The following DOK5 variants were observed in gnomAD, a reference collection of about 807,000 sequenced individuals.
DOK5 encodes downstream of tyrosine kinase 5.
Under a neutral mutation model 43.3 loss-of-function variants are expected in DOK5, and 27 were observed. The observed-to-expected ratio is 0.62, with a 90% confidence interval of 0.46 to 0.86. DOK5 has a LOEUF of 0.86. Among genes scored for constraint, DOK5 ranks in the 40% least tolerant of loss-of-function variants. The pLI, the probability that DOK5 is intolerant of heterozygous loss-of-function variation, is 0.00. For synonymous variants in DOK5, 146 were observed against 140.1 expected, an observed-to-expected ratio of 1.04 and a Z score of -0.30; for missense variants, 373 against 392.9, an observed-to-expected ratio of 0.95 and a Z score of 0.43.
At chr20:54,576,148 A>C (rs73911977) in intron 2 of DOK5, among the ~76,000 whole-genome samples, 11,631 of 152,246 alleles carry the variant, frequency 0.076, 1,507 homozygotes, top group African/African-American at 0.27. Flanking sequence ...AATTAGTTTA[A>C]ATTGATTTAA....
Position 54,495,854 on chromosome 20 carries a change from C to A in DOK5, c.66+19842C>A, listed in dbSNP as rs111727268. ...CCGAGATCATGCCATTGCATTTCAG[C>A]CTGGGCAACAGAGTGAGACGCCATC... is the stretch of plus-strand genomic sequence containing the variant. On this transcript the variant is annotated intron_variant, in intron 1 of 7. Transcript: ENST00000262593. Among the ~76,000 whole-genome samples the A allele has an allele frequency of 7.1e-3, 1,081 of 152,090 alleles. 14 individuals are homozygous for A. Among genetic ancestry groups the A allele is most frequent in the African/African-American group, 0.025 (1,036 of 41,468 alleles).
At chr20:54,624,177 A>G (rs1987070345) in intron 6 of DOK5, among the ~76,000 whole-genome samples, 2 of 152,242 alleles carry the variant, frequency 1.3e-5, no homozygotes, top group Admixed American at 1.3e-4. Context: ...AAAGTGCAAC[A>G]AGAAAACAAT....
intron 2 of DOK5, among the ~76,000 whole-genome samples, chr20:54,562,280 G>A (rs868667591): frequency 1.1e-4 from 17 of 152,252 alleles, no homozygotes; most frequent in Admixed American, 3.3e-4. Context: ...AAATGTTAGG[G>A]AACCCTGGTG....
chr20:54,528,260 A>G (rs1210125584), intron 1 of DOK5, among the ~76,000 whole-genome samples: 1 of 152,212 alleles, frequency 6.6e-6, no homozygotes, highest in Non-Finnish European at 1.5e-5. Flanking sequence ...ATAGGAAGAT[A>G]GAATTATATC....
At chr20:54,635,887 G>A (rs73280939) in intron 6 of DOK5, among the ~76,000 whole-genome samples, 1 of 152,038 alleles carries the variant, frequency 6.6e-6, no homozygotes, top group African/African-American at 2.4e-5. Context: ...TTATTTTTAC[G>A]GCTATAACAG....
intron 1 of DOK5, among the ~76,000 whole-genome samples, chr20:54,513,184 T>C (rs1021225020): frequency 2.0e-5 from 3 of 152,266 alleles, no homozygotes; most frequent in South Asian, 2.1e-4. Context: ...CTCCTGGAGA[T>C]TGAGCAGTCA....
chr20:54,546,287 A>G (rs1984340999), intron 1 of DOK5, among the ~76,000 whole-genome samples: 1 of 152,246 alleles, frequency 6.6e-6, no homozygotes, highest in Non-Finnish European at 1.5e-5. Context: ...CTAGGCATTA[A>G]TATTAACATC....
At chr20:54,566,215 T>C (rs1337119602) in intron 2 of DOK5, among the ~76,000 whole-genome samples, 1 of 151,964 alleles carries the variant, frequency 6.6e-6, no homozygotes, top group Non-Finnish European at 1.5e-5. Flanking sequence ...ATAACTCCCT[T>C]GGGACTTATC....
At chr20:54,639,576 G>T (rs1025987287) in intron 6 of DOK5, among the ~76,000 whole-genome samples, 5 of 151,776 alleles carry the variant, frequency 3.3e-5, no homozygotes, top group African/African-American at 1.2e-4. Context: ...TATGGCTCAG[G>T]GTAATTTTTA....
At chr20:54,545,892 G>A (rs185950473) in intron 1 of DOK5, among the ~76,000 whole-genome samples, 18 of 152,264 alleles carry the variant, frequency 1.2e-4, no homozygotes, top group African/African-American at 3.4e-4. Flanking sequence ...TAAAGTAGTC[G>A]TCCAGATGAA....
intron 2 of DOK5, among the ~76,000 whole-genome samples, chr20:54,559,248 T>C (rs551768600): frequency 6.6e-6 from 1 of 152,330 alleles, no homozygotes; most frequent in South Asian, 2.1e-4. Context: ...AGGAAGACCA[T>C]TGACCGCTTT....
chr20:54,509,627 C>G (rs1221804644), intron 1 of DOK5, among the ~76,000 whole-genome samples: 1 of 152,178 alleles, frequency 6.6e-6, no homozygotes, highest in African/African-American at 2.4e-5. Context: ...ATCTGCAAAG[C>G]AGGAACAAAT....
intron 1 of DOK5, among the ~76,000 whole-genome samples, chr20:54,512,821 A>G (rs1983056819): frequency 6.6e-6 from 1 of 151,656 alleles, no homozygotes; most frequent in South Asian, 2.1e-4. Flanking sequence ...CTGGGAGTGG[A>G]AGAAGGGTGC....
At chr20:54,538,211 T>A (rs1384752289) in intron 1 of DOK5, among the ~76,000 whole-genome samples, 1 of 152,008 alleles carries the variant, frequency 6.6e-6, no homozygotes, top group African/African-American at 2.4e-5. Context: ...TGCACTTTTT[T>A]TTTTTTTGCT....
At chr20:54,524,652 A>G (rs1330257491) in intron 1 of DOK5, among the ~76,000 whole-genome samples, 1 of 152,252 alleles carries the variant, frequency 6.6e-6, no homozygotes, top group East Asian at 1.9e-4. Flanking sequence ...GCCCAAAGTC[A>G]CACAGTAGAA....
At position 54,650,664 on chromosome 20, in the gene DOK5, A is replaced by G. The variant is rs573057467; in HGVS notation, c.*185A>G. 1 of 545,126 alleles carries G rather than the reference A, an allele frequency of 1.8e-6. No homozygotes were observed. The highest frequency in any genetic ancestry group is 3.2e-6 in the Non-Finnish European group (1 of 313,930). 33.8% of individuals were successfully genotyped at this position (545,126 alleles called of 1,614,324 possible). On this transcript the variant is annotated 3_prime_UTR_variant, in exon 8 of 8. Transcript: ENST00000262593. ...TCTTTATTTTCTTTTTCTTTTTTAA[A>G]TTCTTAGTGTAATTGAAACGTGCTC...
At chr20:54,489,512 G>A in intron 1 of DOK5, among the ~76,000 whole-genome samples, 1 of 151,968 alleles carries the variant, frequency 6.6e-6, no homozygotes, top group Non-Finnish European at 1.5e-5. Flanking sequence ...TCATAGTTTT[G>A]AATAATTCGA....
rs139823032 is a variant in DOK5, at chr20:54,591,700, G to A, written c.494G>A (p.Cys165Tyr). The A allele has an allele frequency of 4.0e-5, 64 of 1,614,112 alleles. No homozygotes were observed. The highest frequency in any genetic ancestry group is 5.3e-5 in the Non-Finnish European group (63 of 1,180,046). ...CALQITYEYI[C>Y]LWDVQNPRVK... ...TTGCAGATTACATATGAGTATATCT[G>A]TCTTTGGGACGTCCAGAATCCCAGA... Residue 165 changes from cysteine (C) to tyrosine (Y), a missense_variant, in exon 5 of 8, where the codon TGT (cysteine) becomes TAT (tyrosine). Coordinates refer to ENST00000262593, the MANE Select transcript of DOK5 (RefSeq NM_018431.5).
intron 1 of DOK5, among the ~76,000 whole-genome samples, chr20:54,520,965 A>G (rs528478849): frequency 1.3e-5 from 2 of 151,970 alleles, no homozygotes; most frequent in African/African-American, 4.8e-5. Flanking sequence ...TTTCTTAATT[A>G]TGGTAGACAC....
Sources: gnomAD v4.1 joint callset for allele counts (sites outside exome capture counted in the v4.1 genomes callset) on GRCh38, gnomAD v4.1.1 for gene constraint, MANE v1.5 for transcripts, NCBI Gene and HGNC (gene_info 2026-07-23, HGNC 2026-07-21) for gene names.